Variants in WASL observed in about 807,000 individuals in gnomAD.
The protein encoded by WASL is actin nucleation-promoting factor WASL.
A neutral mutation model predicts 55.5 loss-of-function variants in WASL; 20 were observed. The observed-to-expected ratio is 0.36, with a 90% CI of 0.25 to 0.52. The LOEUF (loss-of-function observed/expected upper bound fraction) is 0.52. WASL is among the 20% of genes least tolerant of loss of function. The probability of loss-of-function intolerance (pLI) is 0.92; values close to 1 mark genes in which losing one functional copy is unlikely to be tolerated. For synonymous variants in WASL, 249 were observed against 217.6 expected (o/e 1.14, Z -1.27); for missense variants, 504 against 622.5 (o/e 0.81, Z 2.03).
At chr7:123,734,591 T>TAAAAAAAAAAAAA in intron 1 of WASL, among the ~76,000 whole-genome samples, 1 of 92,340 alleles carries the variant, frequency 1.1e-5, no homozygotes, top group Non-Finnish European at 2.1e-5. Context: ...ATAGAAAATG[T>TAAAAAAAAAAAAA]AAAAAAAAAA....
intron 5 of WASL, among the ~76,000 whole-genome samples, chr7:123,701,595 T>C (rs1269888118): frequency 6.6e-6 from 1 of 152,232 alleles, no homozygotes; most frequent in Non-Finnish European, 1.5e-5. Flanking sequence ...AGTATCTTTT[T>C]AATAATTAAA....
At chr7:123,730,766 TC>T (rs1329559794) in intron 1 of WASL, among the ~76,000 whole-genome samples, 1 of 152,210 alleles carries the variant, frequency 6.6e-6, no homozygotes, top group East Asian at 1.9e-4. Context: ...ACAACCCGAC[TC>T]TATATAGTCT....
At chr7:123,707,767 C>G (rs1395379) in intron 2 of WASL, among the ~76,000 whole-genome samples, 1 of 152,132 alleles carries the variant, frequency 6.6e-6, no homozygotes, top group African/African-American at 2.4e-5. Context: ...TTTCAAACTA[C>G]GTATGTGTTC....
intron 1 of WASL, among the ~76,000 whole-genome samples, chr7:123,745,532 A>G (rs1804417033): frequency 6.6e-6 from 1 of 152,146 alleles, no homozygotes; most frequent in African/African-American, 2.4e-5. Flanking sequence ...TTGAAGAAAA[A>G]TCTATTAAGA....
chr7:123,717,023 CTAT>C (rs374991964), intron 1 of WASL, among the ~76,000 whole-genome samples: 12 of 152,090 alleles, frequency 7.9e-5, no homozygotes, highest in African/African-American at 2.7e-4. Flanking sequence ...TATTTTTGCC[CTAT>C]GCCAGCTAAA....
At chr7:123,712,569 A>G (rs1179962862) in intron 1 of WASL, among the ~76,000 whole-genome samples, 4 of 152,218 alleles carry the variant, frequency 2.6e-5, no homozygotes, top group Non-Finnish European at 5.9e-5. Context: ...GCAAATCTGG[A>G]TGAAGGATAT....
intron 10 of WASL, among the ~76,000 whole-genome samples, chr7:123,685,408 C>T (rs956877396): frequency 5.3e-5 from 8 of 151,866 alleles, no homozygotes; most frequent in South Asian, 2.1e-4. Context: ...TTAAACTCAC[C>T]AATCTTATTC....
At position 123,696,761 on chromosome 7, in the gene WASL, C is replaced by G. The variant is rs576347144; in HGVS notation, c.461-14G>C. ...GTAGATTAGGACCTGCAAATAAAAC[C>G]AAATTATATAAAAGGGATATAATTT... On this transcript the variant is annotated splice_polypyrimidine_tract_variant and intron_variant, in intron 5 of 10. Transcript: ENST00000223023. 6 of 1,486,138 alleles carry G rather than the reference C, an allele frequency of 4.0e-6. No individual in the cohort carries two copies. The highest frequency in any genetic ancestry group is 4.5e-5 in the Admixed American group (2 of 44,832). The allele number at this position is 1,486,138 out of a possible 1,614,324, so 92.1% of individuals were successfully genotyped here.
At position 123,683,043 on chromosome 7, in the gene WASL, G is replaced by T. The variant is rs1483311095; in HGVS notation, c.*1476C>A. On this transcript the variant is annotated 3_prime_UTR_variant, in exon 11 of 11. Transcript: ENST00000223023. Reference sequence around the variant, plus strand: ...ATGGTTAAAATTCAAGCCACATCTTGCAGGTCCAGCCTGTCAAGATCTGCC... The same window carrying T: ...ATGGTTAAAATTCAAGCCACATCTTTCAGGTCCAGCCTGTCAAGATCTGCC... 2.0e-5 allele frequency: 3 copies of T among 152,046 alleles called. No homozygotes were observed. The highest frequency in any genetic ancestry group is 4.4e-5 in the Non-Finnish European group (3 of 67,988). The allele number at this position is 152,046 out of a possible 1,614,324, so 9.4% of individuals were successfully genotyped here.
intron 1 of WASL, among the ~76,000 whole-genome samples, chr7:123,715,884 A>G (rs899519646): frequency 6.6e-6 from 1 of 152,212 alleles, no homozygotes; most frequent in African/African-American, 2.4e-5. Context: ...TGTATTCTCA[A>G]CTTTCTACTA....
chr7:123,695,674 G>A, intron 7 of WASL, 149 bp downstream of exon 7: 1 of 650,986 alleles, frequency 1.5e-6, no homozygotes, highest in African/African-American at 1.8e-5. Flanking sequence ...ACAATAATAT[G>A]GTTTTAAACC....
chr7:123,691,223 G>A (rs1044156110), intron 9 of WASL, among the ~76,000 whole-genome samples: 1 of 151,878 alleles, frequency 6.6e-6, no homozygotes, highest in Non-Finnish European at 1.5e-5. Flanking sequence ...ATCCTCTGTC[G>A]TCTCCATTTA....
At chr7:123,724,395 C>A (rs1229699625) in intron 1 of WASL, among the ~76,000 whole-genome samples, 3 of 152,176 alleles carry the variant, frequency 2.0e-5, no homozygotes, top group Non-Finnish European at 2.9e-5. Context: ...ATGTAGAGTT[C>A]AAATGTCACA....
rs1232711216 is a variant in WASL, at chr7:123,682,344, G to A, written c.*2175C>T. 1 of 152,092 alleles carries A rather than the reference G, an allele frequency of 6.6e-6. No homozygotes were observed. Among genetic ancestry groups the A allele is most frequent in the Non-Finnish European group, 1.5e-5 (1 of 68,012 alleles). 9.4% of individuals were successfully genotyped at this position (152,092 alleles called of 1,614,324 possible). ...CTTCATGCCTGGACTGAACTCCACA[G>A]CTGCTGTGTTTCAACCAACAGTAAT... is the stretch of plus-strand genomic sequence containing the variant. On this transcript the variant is annotated 3_prime_UTR_variant, in exon 11 of 11. Transcript: ENST00000223023.
At chr7:123,700,852 G>A (rs1476458541) in intron 5 of WASL, among the ~76,000 whole-genome samples, 1 of 152,008 alleles carries the variant, frequency 6.6e-6, no homozygotes, top group East Asian at 1.9e-4. Context: ...CAGTTTTCTT[G>A]GTCTGTGGTC....
intron 4 of WASL, 63 bp downstream of exon 4, chr7:123,706,214 G>A: frequency 1.4e-6 from 2 of 1,427,536 alleles, no homozygotes; most frequent in Non-Finnish European, 9.7e-7. Flanking sequence ...ACAGGAAATG[G>A]ACCACACTTG....
intron 5 of WASL, among the ~76,000 whole-genome samples, chr7:123,703,380 T>C (rs982822042): frequency 6.6e-6 from 1 of 152,190 alleles, no homozygotes; most frequent in African/African-American, 2.4e-5. Flanking sequence ...GTACAGTGCC[T>C]GGCAGGTAGT....
In WASL at chr7:123,741,129, T is replaced by C. The variant is rs370301015; in HGVS notation, c.117+7489A>G. On this transcript the variant is annotated intron_variant, in intron 1 of 10. Coordinates refer to ENST00000223023, the MANE Select transcript of WASL (RefSeq NM_003941.4). ...CGATGGGATGATGTCCTGTCCAGGG[T>C]TGGTTCTTGCCTTGTACCCTGAGCT... Among the ~76,000 whole-genome samples the C allele has an allele frequency of 4.6e-5, 7 of 152,302 alleles. 1 individual carries two copies.
chr7:123,685,114 C>A (rs1803265639), intron 10 of WASL, among the ~76,000 whole-genome samples: 1 of 151,924 alleles, frequency 6.6e-6, no homozygotes, highest in Non-Finnish European at 1.5e-5. Context: ...CTACTCTCCA[C>A]ACCACCATCA....
Sources: gnomAD v4.1 joint callset for allele counts (sites outside exome capture counted in the v4.1 genomes callset) on GRCh38, gnomAD v4.1.1 for gene constraint, MANE v1.5 for transcripts, NCBI Gene and HGNC (gene_info 2026-07-23, HGNC 2026-07-21) for gene names.